The following ULK2 variants were observed in gnomAD, a reference collection of about 807,000 sequenced individuals.
ULK2 encodes serine/threonine-protein kinase ULK2.
A neutral mutation model predicts 127.5 loss-of-function variants in ULK2; 76 were observed. That is an observed-to-expected ratio of 0.60 (90% CI 0.50 to 0.72). ULK2 has a LOEUF of 0.72. Ranked by LOEUF, ULK2 falls within the 30% of genes least tolerant of loss-of-function variation. ULK2 has a pLI of 0.00. For missense variants in ULK2, 1,144 were observed against 1,295.9 expected (o/e 0.88, Z 1.80); for synonymous variants, 452 against 461.9 (o/e 0.98, Z 0.28).
In ULK2 at chr17:19,814,411, C is replaced by CATAT. The variant is rs35552728; in HGVS notation, c.1096+2334_1096+2337dup. Among the ~76,000 whole-genome samples, 33 of 36,524 alleles carry CATAT rather than the reference C, an allele frequency of 9.0e-4. 1 individual carries two copies. In the East Asian group the frequency reaches 0.01, roughly 11 times the overall value. The allele number at this position is 36,524 out of a possible 152,430, so 24.0% of individuals were successfully genotyped here. ...ACACAAGAATGTCTGTTATTATATA[C>CATAT]ATATATATATATATATATATATATA... On this transcript the variant is annotated intron_variant, in intron 13 of 26. Coordinates refer to ENST00000395544, the MANE Select transcript of ULK2 (RefSeq NM_014683.4).
chr17:19,802,644 A>G (rs894552643), intron 15 of ULK2, among the ~76,000 whole-genome samples: 4 of 152,204 alleles, frequency 2.6e-5, no homozygotes, highest in South Asian at 4.1e-4. Context: ...GTAACTGTGA[A>G]AGGAAGGAAT....
intron 22 of ULK2, 113 bp downstream of exon 22, chr17:19,783,584 C>T (rs1432748241): frequency 7.3e-6 from 8 of 1,097,020 alleles, no homozygotes; most frequent in East Asian, 5.7e-5. Context: ...AGAAAAGGCA[C>T]GTTAAAGAGA....
At chr17:19,811,961 A>G (rs1347118021) in intron 13 of ULK2, among the ~76,000 whole-genome samples, 1 of 152,232 alleles carries the variant, frequency 6.6e-6, no homozygotes, top group Non-Finnish European at 1.5e-5. Context: ...AAAAGAGAAG[A>G]GCCTAAACTC....
At chr17:19,792,300 A>G (rs565124020) in intron 20 of ULK2, among the ~76,000 whole-genome samples, 12 of 152,366 alleles carry the variant, frequency 7.9e-5, no homozygotes, top group Admixed American at 2.6e-4. Context: ...GTTTATTGAA[A>G]AGATAAATAA....
intron 25 of ULK2, among the ~76,000 whole-genome samples, chr17:19,778,316 G>A (rs1473992034): frequency 6.6e-6 from 1 of 152,194 alleles, no homozygotes; most frequent in Non-Finnish European, 1.5e-5. Context: ...AGCACTGGAT[G>A]ATACGGAATA....
chr17:19,824,995 A>T, intron 12 of ULK2, 99 bp downstream of exon 12: 3 of 1,139,844 alleles, frequency 2.6e-6, no homozygotes, highest in Non-Finnish European at 3.8e-6. Context: ...AGTAAACATT[A>T]CACATAAAAA....
At chr17:19,831,227 T>A (rs2041434227) in intron 10 of ULK2, among the ~76,000 whole-genome samples, 1 of 151,902 alleles carries the variant, frequency 6.6e-6, no homozygotes, top group African/African-American at 2.4e-5. Flanking sequence ...GAACTCACTA[T>A]CACGAGAACA....
Position 19,864,796 on chromosome 17 carries a change from A to G in ULK2, c.225+7T>C. 8.0e-7 allele frequency: 1 copy of G among 1,256,884 alleles called. No homozygotes were observed. The highest frequency in any genetic ancestry group is 1.0e-6 in the Non-Finnish European group (1 of 958,220). The allele number at this position is 1,256,884 out of a possible 1,614,324, so 77.9% of individuals were successfully genotyped here. A position where few individuals can be genotyped will look rare whatever the true frequency, so the allele number is the denominator to read the frequency against. ...TTTAATTTTTAAAAATTTTCAAAAT[A>G]AGGTACCTGAACATCATAGAGTGCT... On this transcript the variant is annotated splice_region_variant and intron_variant, in intron 3 of 26. Coordinates refer to ENST00000395544, the MANE Select transcript of ULK2 (RefSeq NM_014683.4).
intron 12 of ULK2, among the ~76,000 whole-genome samples, chr17:19,822,439 G>A (rs993252710): frequency 2.6e-5 from 4 of 151,172 alleles, no homozygotes; most frequent in African/African-American, 9.7e-5. Flanking sequence ...TTGGCTCACT[G>A]CAGCCTCTGC....
At chr17:19,809,480 C>T (rs893797372) in intron 14 of ULK2, among the ~76,000 whole-genome samples, 2 of 152,056 alleles carry the variant, frequency 1.3e-5, no homozygotes, top group African/African-American at 4.8e-5. Flanking sequence ...CAACTGTAAT[C>T]CCAGCACTTT....
intron 3 of ULK2, chr17:19,856,210 A>G (rs889570995): frequency 3.9e-5 from 6 of 152,114 alleles, no homozygotes; most frequent in Non-Finnish European, 4.4e-5. Flanking sequence ...CTATCACCCT[A>G]GCTTACTTCT....
chr17:19,832,976 CA>C (rs1333063831), intron 10 of ULK2, among the ~76,000 whole-genome samples: 2 of 151,682 alleles, frequency 1.3e-5, no homozygotes, highest in Non-Finnish European at 2.9e-5. Flanking sequence ...TACAAAAATT[CA>C]CCAGGCGTAG....
chr17:19,829,319 T>G (rs1480627076), intron 10 of ULK2, among the ~76,000 whole-genome samples: 1 of 151,904 alleles, frequency 6.6e-6, no homozygotes, highest in Non-Finnish European at 1.5e-5. Context: ...GTGGATCGTT[T>G]GAGTTCAAGA....
At chr17:19,778,603 T>G (rs1215878771) in intron 25 of ULK2, among the ~76,000 whole-genome samples, 1 of 152,228 alleles carries the variant, frequency 6.6e-6, no homozygotes, top group Non-Finnish European at 1.5e-5. Context: ...CTTGTTTTTG[T>G]TTTTAATTTT....
At chr17:19,844,354 G>A (rs540462267) in intron 7 of ULK2, among the ~76,000 whole-genome samples, 34 of 152,178 alleles carry the variant, frequency 2.2e-4, no homozygotes, top group African/African-American at 7.9e-4. Flanking sequence ...GGCCATGAAC[G>A]CCTGAGAAGT....
At chr17:19,782,153 C>G in intron 22 of ULK2, 86 bp from the exon 23 acceptor site, 1 of 1,327,112 alleles carries the variant, frequency 7.5e-7, no homozygotes, top group Non-Finnish European at 1.0e-6. Context: ...GGCCGCTGAT[C>G]ATGTTTTCTA....
intron 24 of ULK2, 61 bp downstream of exon 24, chr17:19,780,925 G>A (rs1383087246): frequency 6.9e-7 from 1 of 1,445,912 alleles, no homozygotes; most frequent in Non-Finnish European, 9.7e-7. Flanking sequence ...CTCTCACAGT[G>A]TGATGGGAAA....
chr17:19,780,529 A>G lies in ULK2; in HGVS notation c.2859T>C (p.Ile953=). 6.2e-6 allele frequency: 10 copies of G among 1,613,918 alleles called. No homozygotes were observed. The highest frequency in any genetic ancestry group is 8.5e-6 in the Non-Finnish European group (10 of 1,179,930). Residue 953 remains isoleucine (I), a synonymous_variant, in exon 25 of 27, where the codon ATT becomes ATC. Transcript: ENST00000395544. The stretch of plus-strand genomic sequence containing the variant: ...CTGCAGTCACACTGTTGATTTCATC[A>G]ATAAACCTCTGTTTGTCAGAGAAGA... The part of the protein sequence containing the change: ...NRFFSDKQRF[I]DEINSVTAEK...
At chr17:19,866,471 G>C (rs1199958526) in intron 1 of ULK2, among the ~76,000 whole-genome samples, 3 of 151,984 alleles carry the variant, frequency 2.0e-5, no homozygotes, top group African/African-American at 7.2e-5. Flanking sequence ...TCTCGCCACG[G>C]CACTCCAGCC....
Sources: gnomAD v4.1 joint callset for allele counts (sites outside exome capture counted in the v4.1 genomes callset) on GRCh38, gnomAD v4.1.1 for gene constraint, MANE v1.5 for transcripts, NCBI Gene and HGNC (gene_info 2026-07-23, HGNC 2026-07-21) for gene names.